Variants in RASGRP3 observed in about 807,000 individuals in gnomAD.
The protein encoded by RASGRP3 is RAS guanyl releasing protein 3, also known as ras guanyl-releasing protein 3.
In RASGRP3, 54 loss-of-function variants were observed where a neutral mutation model predicts 82.7. The ratio of observed to expected loss-of-function variants is 0.65; its 90% CI spans 0.52 to 0.82. The LOEUF (loss-of-function observed/expected upper bound fraction) is 0.82. Ranked by LOEUF, RASGRP3 falls within the 40% of genes least tolerant of loss-of-function variation. RASGRP3 has a pLI of 0.00. For synonymous variants in RASGRP3, 309 were observed against 300.5 expected (o/e 1.03, Z -0.29); for missense variants, 861 against 828.9 (o/e 1.04, Z -0.48).
At chr2:33,438,916 A>T (rs936810531) in intron 1 of RASGRP3, among the ~76,000 whole-genome samples, 2 of 152,198 alleles carry the variant, frequency 1.3e-5, no homozygotes, top group African/African-American at 4.8e-5. Flanking sequence ...GTCACCAAAT[A>T]CAATGTACAA....
intron 1 of RASGRP3, among the ~76,000 whole-genome samples, chr2:33,446,521 G>A (rs1393983576): frequency 6.6e-6 from 1 of 151,554 alleles, no homozygotes; most frequent in East Asian, 1.9e-4. Context: ...CAAATAGGGT[G>A]AGATTTCTGT....
chr2:33,461,987 C>T (rs1028674722), intron 2 of RASGRP3, among the ~76,000 whole-genome samples: 17 of 152,194 alleles, frequency 1.1e-4, no homozygotes, highest in African/African-American at 3.1e-4. Context: ...ACAGGACTTG[C>T]AGTTAGCTAG....
At chr2:33,493,176 A>G (rs940841509) in intron 1 of RASGRP3, 4 of 152,226 alleles carry the variant, frequency 2.6e-5, no homozygotes, top group African/African-American at 9.7e-5. Context: ...AAAATAGGTA[A>G]GTATCTCCCC....
intron 7 of RASGRP3, 104 bp downstream of exon 7, chr2:33,522,206 T>G: frequency 2.3e-6 from 3 of 1,326,102 alleles, no homozygotes; most frequent in Non-Finnish European, 3.1e-6. Context: ...TCTATCACTG[T>G]GCTCTGCTGG....
intron 1 of RASGRP3, chr2:33,482,532 G>C (rs564548079): frequency 5.3e-5 from 8 of 152,236 alleles, no homozygotes; most frequent in Non-Finnish European, 1.0e-4. Flanking sequence ...TTCTGCCTGA[G>C]TATAGCACCT....
chr2:33,531,998 T>C (rs1673146830), intron 10 of RASGRP3: 1 of 138,906 alleles, frequency 7.2e-6, no homozygotes, highest in South Asian at 2.5e-4. Context: ...GTTTTCTCTC[T>C]TTATTTATGT....
chr2:33,522,147 G>A, intron 7 of RASGRP3, 45 bp downstream of exon 7: 1 of 1,562,958 alleles, frequency 6.4e-7, no homozygotes, highest in Non-Finnish European at 8.7e-7. Flanking sequence ...CAACCACCAT[G>A]CCAACTTTCC....
intron 2 of RASGRP3, among the ~76,000 whole-genome samples, chr2:33,468,629 T>C (rs1056339728): frequency 6.6e-6 from 1 of 152,148 alleles, no homozygotes; most frequent in Non-Finnish European, 1.5e-5. Context: ...CTTGATCTCC[T>C]GACCTCGTGA....
intron 1 of RASGRP3, 116 bp downstream of exon 1, chr2:33,476,823 T>C (rs13385731): frequency 0.063 from 9,257 of 145,782 alleles, 382 homozygotes; most frequent in East Asian, 0.16. Context: ...CTTTTGATTT[T>C]GATTTTGGTT....
intron 2 of RASGRP3, among the ~76,000 whole-genome samples, chr2:33,451,616 G>T (rs1001769262): frequency 1.3e-5 from 2 of 152,034 alleles, no homozygotes; most frequent in African/African-American, 4.8e-5. Flanking sequence ...TGTATGTAAC[G>T]TAAGGGTTCG....
intron 14 of RASGRP3, chr2:33,555,249 A>G (rs1675817087): frequency 7.3e-6 from 2 of 272,500 alleles, no homozygotes; most frequent in Non-Finnish European, 1.4e-5. Context: ...TTTTGCTGAG[A>G]GCGCATCAGG....
intron 2 of RASGRP3, among the ~76,000 whole-genome samples, chr2:33,449,851 T>G (rs1161475526): frequency 6.6e-6 from 1 of 152,244 alleles, no homozygotes; most frequent in African/African-American, 2.4e-5. Flanking sequence ...ATTATGCATT[T>G]TAGTAAAGAT....
intron 1 of RASGRP3, among the ~76,000 whole-genome samples, chr2:33,496,890 A>G (rs1179812099): frequency 1.3e-5 from 2 of 152,090 alleles, no homozygotes; most frequent in Admixed American, 6.6e-5. Flanking sequence ...CAAAAAAAAC[A>G]AACCCCTACT....
intron 1 of RASGRP3, among the ~76,000 whole-genome samples, chr2:33,488,192 G>C (rs907041747): frequency 2.0e-5 from 3 of 152,100 alleles, no homozygotes; most frequent in East Asian, 1.9e-4. Flanking sequence ...CTACAAAACA[G>C]CCTTTGAGTA....
At chr2:33,498,019 C>T (rs1307441072) in intron 1 of RASGRP3, among the ~76,000 whole-genome samples, 1 of 152,076 alleles carries the variant, frequency 6.6e-6, no homozygotes, top group African/African-American at 2.4e-5. Flanking sequence ...TCTTTCCTTT[C>T]TCCCTTCTCT....
At chr2:33,442,351 G>A (rs150206755) in intron 1 of RASGRP3, among the ~76,000 whole-genome samples, 2,858 of 152,278 alleles carry the variant, frequency 0.019, 79 homozygotes, top group African/African-American at 0.065. Context: ...GTGACAGAGC[G>A]AGACTACGTC....
At chr2:33,538,321 G>C (rs556737873) in intron 11 of RASGRP3, among the ~76,000 whole-genome samples, 2 of 152,008 alleles carry the variant, frequency 1.3e-5, no homozygotes, top group Non-Finnish European at 2.9e-5. Context: ...TGGCCAACAT[G>C]GTGGAAACCC....
chr2:33,511,516 A>T (rs1043665269), intron 1 of RASGRP3, among the ~76,000 whole-genome samples, 194 bp from the exon 2 acceptor site: 1 of 151,704 alleles, frequency 6.6e-6, no homozygotes, highest in African/African-American at 2.4e-5. Context: ...TACTTGATTT[A>T]AAAAAAAATT....
At position 33,444,852 on chromosome 2, in the gene RASGRP3, C is replaced by G. The variant is rs182033506; in HGVS notation, c.-384-2968C>G. ...ATCTGGATGATATGCTTGTAAAAGA[C>G]TTTATCATAATGTTTTGAAGTGAAT... On this transcript the variant is annotated intron_variant, in intron 1 of 18. Transcript: ENST00000402538. Among the ~76,000 whole-genome samples the G allele has an allele frequency of 3.9e-4, 60 of 152,256 alleles. 1 individual carries two copies. The East Asian group carries it at 5.6e-3, about 14-fold the overall frequency.
Sources: allele counts gnomAD v4.1 joint callset (sites outside exome capture counted in the v4.1 genomes callset), GRCh38; gene constraint gnomAD v4.1.1; transcripts MANE v1.5; gene names NCBI Gene and HGNC (gene_info 2026-07-23, HGNC 2026-07-21).